The following SSPN variants were observed in gnomAD, a reference collection of about 807,000 sequenced individuals.
SSPN encodes the protein K-ras oncogene-associated protein.
A neutral mutation model predicts 19.1 loss-of-function variants in SSPN; 15 were observed. That is an observed-to-expected ratio of 0.78 (90% CI 0.52 to 1.21). The LOEUF (loss-of-function observed/expected upper bound fraction) is 1.21, where lower values mean the gene tolerates loss of function less well. Ranked by LOEUF, SSPN falls within the 50% of genes most tolerant of loss-of-function variation. SSPN has a pLI of 0.00. For synonymous variants in SSPN, 147 were observed against 140.3 expected (o/e 1.05, Z -0.34); for missense variants, 291 against 314.0 (o/e 0.93, Z 0.55).
chr12:26,172,431 C>G (rs1944658868), intron 1 of SSPN, among the ~76,000 whole-genome samples: 1 of 152,178 alleles, frequency 6.6e-6, no homozygotes, highest in Admixed American at 6.5e-5. Flanking sequence ...ATAATAGGCT[C>G]ATTTCTCTGT....
chr12:26,215,960 GTA>G (rs1421105731), intron 1 of SSPN, among the ~76,000 whole-genome samples: 6 of 152,178 alleles, frequency 3.9e-5, no homozygotes, highest in African/African-American at 1.4e-4. Flanking sequence ...GGCAATGAAT[GTA>G]TATCTAGCCT....
rs551614520 is a variant in SSPN at position 26,217,979 on chromosome 12, A to G, written c.280-6314A>G. Among the ~76,000 whole-genome samples the G allele has an allele frequency of 6.6e-5, 10 of 152,144 alleles. No individual in the cohort carries two copies. In the South Asian group the frequency reaches 2.1e-3, roughly 32 times the overall value. ...ATCCCATTACTGGGTATATACTCAA[A>G]GGACTATAAATCATGCTGCTATAAA... On this transcript the variant is annotated intron_variant, in intron 1 of 2. Transcript: ENST00000242729.
chr12:26,224,802 G>T (rs1447799397), intron 2 of SSPN, among the ~76,000 whole-genome samples: 3 of 152,102 alleles, frequency 2.0e-5, no homozygotes, highest in South Asian at 4.2e-4. Flanking sequence ...TACATTGGGC[G>T]CATCCAAATG....
intron 1 of SSPN, among the ~76,000 whole-genome samples, chr12:26,158,176 C>G (rs1944566877): frequency 6.6e-6 from 1 of 152,058 alleles, no homozygotes; most frequent in South Asian, 2.1e-4. Context: ...CATTGTTCAG[C>G]TCTTTCCCAC....
At chr12:26,133,270 G>A (rs181968457) in intron 1 of SSPN, among the ~76,000 whole-genome samples, 306 of 152,218 alleles carry the variant, frequency 2.0e-3, no homozygotes, top group African/African-American at 5.7e-3. Context: ...ACCTTTAAAC[G>A]AAGAATGCGG....
intron 1 of SSPN, among the ~76,000 whole-genome samples, chr12:26,132,371 C>A (rs1043513094): frequency 2.0e-4 from 30 of 152,138 alleles, no homozygotes; most frequent in African/African-American, 5.3e-4. Flanking sequence ...GATTAAATTT[C>A]TCTTAAGAGA....
intron 1 of SSPN, among the ~76,000 whole-genome samples, chr12:26,129,906 G>A (rs577423187): frequency 5.1e-4 from 78 of 152,192 alleles, no homozygotes; most frequent in Middle Eastern, 3.4e-3. Flanking sequence ...TGCATTTCAC[G>A]TGTGCTCAAA....
At chr12:26,225,252 C>A (rs1945165382) in intron 2 of SSPN, among the ~76,000 whole-genome samples, 1 of 12,416 alleles carries the variant, frequency 8.1e-5, no homozygotes. Flanking sequence ...TTGAAAGTTA[C>A]TAAGGTGAAA....
chr12:26,136,041 A>G (rs1371673223), intron 1 of SSPN, among the ~76,000 whole-genome samples: 1 of 152,218 alleles, frequency 6.6e-6, no homozygotes, highest in Non-Finnish European at 1.5e-5. Context: ...TTAGGATATA[A>G]ATATTTGAAA....
At chr12:26,123,694 T>C (rs1225243625) in intron 1 of SSPN, 15 of 1,614,048 alleles carry the variant, frequency 9.3e-6, no homozygotes, top group Non-Finnish European at 1.3e-5. Flanking sequence ...CTTTTAAGTG[T>C]TTCAAAGTTA....
At chr12:26,142,114 T>C (rs987122439) in intron 1 of SSPN, among the ~76,000 whole-genome samples, 2 of 152,208 alleles carry the variant, frequency 1.3e-5, no homozygotes, top group African/African-American at 4.8e-5. Context: ...GATTTGGTTA[T>C]GCTGGGCCTA....
chr12:26,123,033 T>G (rs1199033135), intron 1 of SSPN: 5 of 1,575,698 alleles, frequency 3.2e-6, no homozygotes, highest in Non-Finnish European at 4.3e-6. Context: ...GTTGATCAGC[T>G]GGACACACCG....
At chr12:26,182,590 T>C (rs1157149522) in intron 1 of SSPN, among the ~76,000 whole-genome samples, 4 of 30,582 alleles carry the variant, frequency 1.3e-4, no homozygotes, top group Admixed American at 1.1e-3. Flanking sequence ...TCCCCTTCCC[T>C]TCCCTTCCCT....
intron 1 of SSPN, among the ~76,000 whole-genome samples, chr12:26,130,493 C>A (rs1233203824): frequency 6.6e-6 from 1 of 152,106 alleles, no homozygotes; most frequent in African/African-American, 2.4e-5. Flanking sequence ...GACTTACAAT[C>A]AAAACTATTG....
chr12:26,221,492 C>T (rs538252905), intron 1 of SSPN, among the ~76,000 whole-genome samples: 28 of 152,270 alleles, frequency 1.8e-4, no homozygotes, highest in Non-Finnish European at 3.5e-4. Context: ...TATTGTATGT[C>T]CTCCATAAAA....
chr12:26,133,116 A>G (rs1944405522), intron 1 of SSPN, among the ~76,000 whole-genome samples: 1 of 152,208 alleles, frequency 6.6e-6, no homozygotes, highest in African/African-American at 2.4e-5. Context: ...CTTCCTCATC[A>G]TCATATACTT....
At chr12:26,174,212 C>T (rs1018498716) in intron 1 of SSPN, among the ~76,000 whole-genome samples, 1 of 152,198 alleles carries the variant, frequency 6.6e-6, no homozygotes, top group Non-Finnish European at 1.5e-5. Flanking sequence ...CTCACACTTT[C>T]AAGGCATCAT....
rs147318930 is a variant in SSPN, at chr12:26,174,004, A to T, written c.-30-50289A>T. On this transcript the variant is annotated intron_variant, in intron 1 of 2. Coordinates refer to the SSPN transcript ENST00000538142. ...TGAGATTTCTATATTAAGTTTATAA[A>T]TTTTTTAAGTGAACCATCCTATGAC... Among the ~76,000 whole-genome samples, 82 of 152,334 alleles carry T rather than the reference A, an allele frequency of 5.4e-4. 1 individual carries two copies. Among genetic ancestry groups the T allele is most frequent in the African/African-American group, 1.9e-3 (78 of 41,578 alleles).
intron 1 of SSPN, among the ~76,000 whole-genome samples, chr12:26,189,106 G>T (rs1022675515): frequency 3.9e-5 from 6 of 151,986 alleles, no homozygotes; most frequent in Non-Finnish European, 7.4e-5. Context: ...GTTTTGGTCA[G>T]ATTTAAAGAG....
Sources: allele counts gnomAD v4.1 joint callset (sites outside exome capture counted in the v4.1 genomes callset), GRCh38; gene constraint gnomAD v4.1.1; transcripts MANE v1.5; gene names NCBI Gene and HGNC (gene_info 2026-07-23, HGNC 2026-07-21).